The following RNF150 variants were observed in gnomAD, a reference collection of about 807,000 sequenced individuals.
The protein encoded by RNF150 is ring finger protein 150.
RNF150 carries 24 observed loss-of-function variants against 39.3 expected under a neutral mutation model. That is an observed-to-expected ratio of 0.61 (90% CI 0.44 to 0.86). The LOEUF is 0.86. Ranked by LOEUF, RNF150 falls within the 40% of genes least tolerant of loss-of-function variation. RNF150 has a pLI of 0.00. For missense variants in RNF150, 502 were observed against 587.8 expected (o/e 0.85, Z 1.51); for synonymous variants, 255 against 227.3 (o/e 1.12, Z -1.10).
intron 1 of RNF150, among the ~76,000 whole-genome samples, chr4:140,976,066 G>A (rs987466959): frequency 3.9e-5 from 6 of 152,086 alleles, no homozygotes; most frequent in Admixed American, 3.3e-4. Context: ...TAACCTTCTT[G>A]CTTTGATTGG....
intron 2 of RNF150, among the ~76,000 whole-genome samples, chr4:140,962,097 C>T (rs1170239260): frequency 2.0e-5 from 3 of 151,154 alleles, no homozygotes; most frequent in East Asian, 2.0e-4. Flanking sequence ...TCTCTCTCTA[C>T]ACACACGCGC....
chr4:140,923,453 T>C (rs1426008591), intron 5 of RNF150, among the ~76,000 whole-genome samples: 1 of 152,156 alleles, frequency 6.6e-6, no homozygotes. Context: ...ATGGTGATCA[T>C]TAAACAGTCA....
At chr4:140,985,471 T>C (rs1426810781) in intron 1 of RNF150, among the ~76,000 whole-genome samples, 1 of 152,122 alleles carries the variant, frequency 6.6e-6, no homozygotes, top group Non-Finnish European at 1.5e-5. Context: ...CACTGAGATA[T>C]TCTGTAAACT....
intron 1 of RNF150, among the ~76,000 whole-genome samples, chr4:140,990,927 G>A (rs1734175500): frequency 6.6e-6 from 1 of 152,112 alleles, no homozygotes. Flanking sequence ...TTTCACAATG[G>A]CTGAAGTAAT....
intron 1 of RNF150, among the ~76,000 whole-genome samples, chr4:141,000,220 A>G (rs1331226634): frequency 6.6e-6 from 1 of 152,172 alleles, no homozygotes; most frequent in African/African-American, 2.4e-5. Flanking sequence ...CAGTTTTGGA[A>G]AGCAGGCAAG....
At chr4:141,047,349 C>T (rs545568167) in intron 1 of RNF150, among the ~76,000 whole-genome samples, 33 of 152,216 alleles carry the variant, frequency 2.2e-4, no homozygotes, top group Non-Finnish European at 4.1e-4. Flanking sequence ...TCCTCGCTGT[C>T]AACAGGATTT....
chr4:141,093,378 AG>A (rs11318985), intron 1 of RNF150, among the ~76,000 whole-genome samples: 52,833 of 142,980 alleles, frequency 0.37, 10,646 homozygotes, highest in East Asian at 0.63. Context: ...AAAAAAAAAA[AG>A]GGGGGGGAAA....
intron 6 of RNF150, among the ~76,000 whole-genome samples, chr4:140,872,792 T>C (rs1399325902): frequency 2.6e-5 from 4 of 152,168 alleles, no homozygotes; most frequent in South Asian, 4.1e-4. Context: ...AGAGTTCAGG[T>C]TTGCATATGC....
At chr4:140,916,637 A>C (rs1324837167) in intron 5 of RNF150, among the ~76,000 whole-genome samples, 2 of 152,230 alleles carry the variant, frequency 1.3e-5, no homozygotes, top group African/African-American at 4.8e-5. Flanking sequence ...TATCCAGGAG[A>C]ACTTCCCCAG....
chr4:140,944,697 C>A (rs1325196791), intron 4 of RNF150: 1 of 152,106 alleles, frequency 6.6e-6, no homozygotes, highest in African/African-American at 2.4e-5. Context: ...CCAAGAATGT[C>A]AGCAGTTATG....
At chr4:141,152,984 T>A (rs772402971) in intron 1 of RNF150, among the ~76,000 whole-genome samples, 8 of 152,250 alleles carry the variant, frequency 5.3e-5, no homozygotes, top group Non-Finnish European at 1.2e-4. Context: ...TTTGTCCTGA[T>A]GCTGGCAGTG....
At chr4:141,006,012 T>C (rs57374984) in intron 1 of RNF150, among the ~76,000 whole-genome samples, 22,241 of 126,666 alleles carry the variant, frequency 0.18, 2,765 homozygotes, top group Middle Eastern at 0.31. Flanking sequence ...GAGTTTGCAG[T>C]GAGCCGAGAT....
chr4:140,868,878 G>A (rs980346348), intron 6 of RNF150, among the ~76,000 whole-genome samples: 7 of 152,164 alleles, frequency 4.6e-5, no homozygotes, highest in Non-Finnish European at 1.0e-4. Context: ...ACAATTCACG[G>A]AAGAGTGTAA....
chr4:140,987,003 GA>G (rs1238891344), intron 1 of RNF150, among the ~76,000 whole-genome samples: 2 of 152,008 alleles, frequency 1.3e-5, no homozygotes, highest in African/African-American at 4.8e-5. Flanking sequence ...GCCAAATCAA[GA>G]ATGCAATCCT....
At chr4:140,999,216 G>A (rs1579040000) in intron 1 of RNF150, among the ~76,000 whole-genome samples, 1 of 152,302 alleles carries the variant, frequency 6.6e-6, no homozygotes, top group East Asian at 1.9e-4. Context: ...TTATTAAAGG[G>A]AGAGAGGTGA....
chr4:141,038,521 T>C (rs1202541044), intron 1 of RNF150, among the ~76,000 whole-genome samples: 4 of 152,022 alleles, frequency 2.6e-5, no homozygotes, highest in Non-Finnish European at 5.9e-5. Context: ...TGAGACTCCA[T>C]CTCTACAAAA....
chr4:140,969,728 T>A (rs897817314), intron 1 of RNF150, among the ~76,000 whole-genome samples: 3 of 151,286 alleles, frequency 2.0e-5, no homozygotes, highest in Non-Finnish European at 4.4e-5. Context: ...TTATGAGGCT[T>A]TGGATGTTCA....
intron 1 of RNF150, among the ~76,000 whole-genome samples, chr4:141,043,781 G>T (rs1736459065): frequency 6.6e-6 from 1 of 151,886 alleles, no homozygotes; most frequent in Non-Finnish European, 1.5e-5. Flanking sequence ...AGTTAAAGAG[G>T]TAATCCTACA....
chr4:140,925,901 T>C (rs1191855984), intron 5 of RNF150, 76 bp downstream of exon 5: 8 of 994,462 alleles, frequency 8.0e-6, no homozygotes, highest in African/African-American at 7.9e-5. Context: ...AACATCCAAG[T>C]ATAATGTTTT....
Sources: gnomAD v4.1 joint callset for allele counts (sites outside exome capture counted in the v4.1 genomes callset) on GRCh38, gnomAD v4.1.1 for gene constraint, MANE v1.5 for transcripts, NCBI Gene and HGNC (gene_info 2026-07-23, HGNC 2026-07-21) for gene names.